Variants in AK5 observed in about 807,000 individuals in gnomAD.
AK5 encodes adenylate kinase 5, also known as adenylate kinase isoenzyme 5.
AK5 carries 27 observed loss-of-function variants against 69.5 expected under a neutral mutation model. That is an observed-to-expected ratio of 0.39 (90% CI 0.29 to 0.54). The LOEUF is 0.54. AK5 is among the 20% of genes least tolerant of loss of function. The pLI, the probability that AK5 is intolerant of heterozygous loss-of-function variation, is 0.71. For synonymous variants in AK5, 260 were observed against 244.4 expected (o/e 1.06, Z -0.60); for missense variants, 531 against 700.4 (o/e 0.76, Z 2.73).
At chr1:77,433,509 T>C (rs1164861493) in intron 8 of AK5, among the ~76,000 whole-genome samples, 2 of 149,480 alleles carry the variant, frequency 1.3e-5, no homozygotes, top group African/African-American at 4.9e-5. Context: ...TCAAAACTTT[T>C]GTGATAAAAC....
intron 3 of AK5, among the ~76,000 whole-genome samples, chr1:77,295,248 T>C (rs886803590): frequency 1.3e-5 from 2 of 152,138 alleles, no homozygotes; most frequent in African/African-American, 4.8e-5. Flanking sequence ...TGCAAGGAAG[T>C]AGTGCTTCAG....
chr1:77,533,382 G>A lies in AK5; in HGVS notation c.1429-2465G>A, dbSNP rs991189061. ...AATACAAAAATTAGCCGGGTGTGGTGGTGCACACCTGTAATCCCAGCTACT... is the reference window on the plus strand; with the variant it reads ...AATACAAAAATTAGCCGGGTGTGGTAGTGCACACCTGTAATCCCAGCTACT... On this transcript the variant is annotated intron_variant, in intron 12 of 13. Coordinates refer to ENST00000354567, the MANE Select transcript of AK5 (RefSeq NM_174858.3). Among the ~76,000 whole-genome samples the A allele has an allele frequency of 2.6e-4, 40 of 152,034 alleles. 1 individual carries two copies. Among genetic ancestry groups the A allele is most frequent in the Admixed American group, 4.6e-4 (7 of 15,284 alleles).
chr1:77,418,829 G>A (rs12404204), intron 8 of AK5, among the ~76,000 whole-genome samples: 34,250 of 152,030 alleles, frequency 0.23, 4,108 homozygotes, highest in East Asian at 0.38. Flanking sequence ...TTTCATATAC[G>A]TATTCAGGAG....
chr1:77,336,301 C>T (rs12070404), intron 5 of AK5, among the ~76,000 whole-genome samples: 14,230 of 151,812 alleles, frequency 0.094, 816 homozygotes, highest in East Asian at 0.2. Flanking sequence ...AGGATGGTCT[C>T]GATCTCTTAA....
intron 6 of AK5, among the ~76,000 whole-genome samples, chr1:77,409,978 C>A (rs1023119735): frequency 2.6e-5 from 4 of 152,216 alleles, no homozygotes; most frequent in South Asian, 2.1e-4. Context: ...GTTATCCCAG[C>A]ACTATTTATT....
At chr1:77,339,054 T>TA in intron 5 of AK5, among the ~76,000 whole-genome samples, 1 of 148,398 alleles carries the variant, frequency 6.7e-6, no homozygotes, top group East Asian at 2.3e-4. Flanking sequence ...CACTGTGATA[T>TA]GGGAAAAAAA....
At chr1:77,468,678 C>A (rs1654293850) in intron 8 of AK5, among the ~76,000 whole-genome samples, 1 of 152,206 alleles carries the variant, frequency 6.6e-6, no homozygotes. Flanking sequence ...AGGCCGGTTT[C>A]CTTGGCTCTT....
chr1:77,492,409 G>A (rs950282515), intron 10 of AK5, among the ~76,000 whole-genome samples: 3 of 152,244 alleles, frequency 2.0e-5, no homozygotes, highest in East Asian at 1.9e-4. Context: ...CACCACCTCC[G>A]AAATGCTAAT....
rs950417108 is a variant in AK5, at chr1:77,315,176, T to G, written c.699+17229T>G. The G allele has an allele frequency of 3.3e-5, 5 of 152,126 alleles. No individual in the cohort carries two copies. In the East Asian group the frequency reaches 9.6e-4, roughly 29 times the overall value. 9.4% of individuals were successfully genotyped at this position (152,126 alleles called of 1,614,324 possible). On this transcript the variant is annotated intron_variant, in intron 5 of 13. Coordinates refer to ENST00000354567, the MANE Select transcript of AK5 (RefSeq NM_174858.3). ...TACACTGGAAACTCTCTCTTATTCT[T>G]GTCTCCAGGTACCTTCCCAGAAAGC...
intron 13 of AK5, 81 bp downstream of exon 13, chr1:77,536,119 C>T: frequency 1.4e-6 from 2 of 1,423,856 alleles, no homozygotes; most frequent in Non-Finnish European, 1.9e-6. Flanking sequence ...AAGCTGAGAA[C>T]ATTTTAGTTA....
chr1:77,503,978 CTT>C (rs35690647), intron 10 of AK5, among the ~76,000 whole-genome samples: 25,750 of 151,810 alleles, frequency 0.17, 2,429 homozygotes, highest in Non-Finnish European at 0.18. Flanking sequence ...AGAAAATTAG[CTT>C]TCTCTCCACC....
intron 8 of AK5, among the ~76,000 whole-genome samples, chr1:77,444,278 CACAACATAT>C (rs1652548947): frequency 2.3e-5 from 1 of 42,684 alleles, no homozygotes; most frequent in Non-Finnish European, 4.7e-5. Context: ...AGTATATATA[CACAACATAT>C]GTGTATATAT....
intron 6 of AK5, 79 bp downstream of exon 6, chr1:77,340,647 A>G (rs144565675): frequency 7.3e-7 from 1 of 1,372,262 alleles, no homozygotes; most frequent in Admixed American, 2.0e-5. Context: ...CTCATGTAGA[A>G]ATCCTCTTTA....
chr1:77,533,435 G>T (rs532305849), intron 12 of AK5, among the ~76,000 whole-genome samples: 1 of 141,776 alleles, frequency 7.1e-6, no homozygotes, highest in East Asian at 2.3e-4. Flanking sequence ...AGGATTGCTT[G>T]AACCTGGGAG....
At chr1:77,551,655 C>G (rs1659831715) in intron 13 of AK5, among the ~76,000 whole-genome samples, 2 of 152,112 alleles carry the variant, frequency 1.3e-5, no homozygotes, top group African/African-American at 4.8e-5. Context: ...TAGCACTGCC[C>G]TTGAGGTGCT....
intron 13 of AK5, among the ~76,000 whole-genome samples, chr1:77,554,852 G>A (rs1660006875): frequency 6.7e-6 from 1 of 149,126 alleles, no homozygotes; most frequent in African/African-American, 2.5e-5. Context: ...TCCTGACCTC[G>A]TGATCCACCC....
At chr1:77,356,173 C>A (rs1350913875) in intron 6 of AK5, among the ~76,000 whole-genome samples, 1 of 152,074 alleles carries the variant, frequency 6.6e-6, no homozygotes, top group African/African-American at 2.4e-5. Flanking sequence ...AATTGAAATT[C>A]TTCAAATAAT....
At chr1:77,367,635 A>G (rs1208043240) in intron 6 of AK5, among the ~76,000 whole-genome samples, 3 of 94,104 alleles carry the variant, frequency 3.2e-5, no homozygotes, top group African/African-American at 8.4e-5. Flanking sequence ...TATGTAATAT[A>G]TATGTTATGT....
chr1:77,433,262 T>G (rs1194257160), intron 8 of AK5, among the ~76,000 whole-genome samples: 2 of 65,498 alleles, frequency 3.1e-5, no homozygotes, highest in Non-Finnish European at 6.7e-5. Context: ...ATAGTTTTTT[T>G]CTTTAGAAAC....
Sources: gnomAD v4.1 joint callset for allele counts (sites outside exome capture counted in the v4.1 genomes callset) on GRCh38, gnomAD v4.1.1 for gene constraint, MANE v1.5 for transcripts, NCBI Gene and HGNC (gene_info 2026-07-23, HGNC 2026-07-21) for gene names.